Variants in ATRX observed in about 807,000 individuals in gnomAD.
ATRX encodes the protein ATRX chromatin remodeler, also known as chromatin remodeler ATRX.
In ATRX, 12 loss-of-function variants were observed where a neutral mutation model predicts 172.6. The ratio of observed to expected loss-of-function variants is 0.07; its 90% CI spans 0.04 to 0.11. The LOEUF is 0.11. Among genes scored for constraint, ATRX ranks in the 10% least tolerant of loss-of-function variants. The pLI, the probability that ATRX is intolerant of heterozygous loss-of-function variation, is 1.00. For synonymous variants in ATRX, 674 were observed against 594.7 expected (o/e 1.13, Z -1.94); for missense variants, 1,368 against 1,767.4 (o/e 0.77, Z 4.05).
chrX:77,692,162 G>A (rs1330002447), intron 6 of ATRX, among the ~76,000 whole-genome samples: 16 of 111,714 alleles, frequency 1.4e-4, no homozygotes, highest in Admixed American at 1.4e-3. Flanking sequence ...TAGACACTCT[G>A]TACACTAAGT....
Position 77,593,941 on chromosome X carries a change from G to A in ATRX, c.5957-92C>T, listed in dbSNP as rs1557082514. 3.3e-6 allele frequency: 3 copies of A among 899,924 alleles called. No individual in the cohort carries two copies. The African/African-American group carries it at 6.0e-5, about 18-fold the overall frequency. The allele number at this position is 899,924 out of a possible 1,213,427, so 74.2% of individuals were successfully genotyped here. On this transcript the variant is annotated intron_variant, in intron 25 of 34. Coordinates refer to ENST00000373344, the MANE Select transcript of ATRX (RefSeq NM_000489.6). ...AGAAAAAGACCTACCCATGGGGAGAGTAAGAAAGAAACTGATGGGGACTTG... is the reference window on the plus strand; with the variant it reads ...AGAAAAAGACCTACCCATGGGGAGAATAAGAAAGAAACTGATGGGGACTTG...
intron 15 of ATRX, among the ~76,000 whole-genome samples, chrX:77,637,939 C>CAAAAAAAAAAAAAAAAAA (rs373944111): frequency 1.9e-4 from 8 of 42,835 alleles, no homozygotes; most frequent in Non-Finnish European, 2.4e-4. Flanking sequence ...AGCTCCATCT[C>CAAAAAAAAAAAAAAAAAA]AAAAAAAAAA....
intron 22 of ATRX, among the ~76,000 whole-genome samples, chrX:77,606,836 AAATC>A (rs1341898932): frequency 1.8e-5 from 2 of 111,056 alleles, no homozygotes; most frequent in Admixed American, 1.9e-4. Flanking sequence ...ACATATATGG[AAATC>A]AATCAATGTG....
intron 28 of ATRX, among the ~76,000 whole-genome samples, chrX:77,559,066 T>G (rs1053782742): frequency 3.5e-4 from 39 of 111,203 alleles, no homozygotes; most frequent in Middle Eastern, 4.6e-3. Context: ...ATCGTCTGAT[T>G]TAAGAATAAA....
intron 19 of ATRX, among the ~76,000 whole-genome samples, chrX:77,628,749 A>C (rs782463910): frequency 1.1e-4 from 12 of 111,551 alleles, no homozygotes; most frequent in Non-Finnish European, 2.1e-4. Flanking sequence ...CTGAGACTAC[A>C]GGTGTGTGCC....
chrX:77,621,928 C>A (rs1298976016), intron 19 of ATRX, among the ~76,000 whole-genome samples: 1 of 111,549 alleles, frequency 9.0e-6, no homozygotes, highest in Admixed American at 9.5e-5. Context: ...AATTATGCAT[C>A]CCTTACTTTG....
intron 25 of ATRX, chrX:77,594,160 A>G (rs2066388250): frequency 5.6e-6 from 1 of 179,391 alleles, no homozygotes; most frequent in Non-Finnish European, 1.0e-5. Context: ...AGTGGAGCTC[A>G]GAAAGACAGA....
chrX:77,553,596 CTTAT>C (rs2064645837), intron 30 of ATRX, among the ~76,000 whole-genome samples: 1 of 111,601 alleles, frequency 9.0e-6, no homozygotes, highest in Non-Finnish European at 1.9e-5. Context: ...TCCTTATACT[CTTAT>C]TTATTTTTAA....
intron 6 of ATRX, among the ~76,000 whole-genome samples, chrX:77,693,429 T>C (rs1557148112): frequency 8.9e-6 from 1 of 112,089 alleles, no homozygotes; most frequent in Non-Finnish European, 1.9e-5. Context: ...ATACCCCAAC[T>C]AATACTAATG....
At chrX:77,673,081 G>A (rs2070707053) in intron 10 of ATRX, among the ~76,000 whole-genome samples, 1 of 110,831 alleles carries the variant, frequency 9.0e-6, no homozygotes, top group Admixed American at 9.7e-5. Flanking sequence ...CACTACTATC[G>A]TATTACTTGA....
intron 30 of ATRX, among the ~76,000 whole-genome samples, chrX:77,542,004 A>T (rs994100206): frequency 2.7e-5 from 3 of 111,781 alleles, no homozygotes; most frequent in African/African-American, 9.8e-5. Context: ...AGGGTATTCA[A>T]ATAGGAAAAG....
intron 1 of ATRX, among the ~76,000 whole-genome samples, chrX:77,717,519 C>A (rs1557165980): frequency 1.9e-5 from 2 of 106,805 alleles, no homozygotes; most frequent in Non-Finnish European, 3.8e-5. Context: ...GGGAGGATGG[C>A]TTGAGCCTTG....
chrX:77,517,106 C>G (rs1895458496), intron 34 of ATRX, among the ~76,000 whole-genome samples: 1 of 109,330 alleles, frequency 9.1e-6, no homozygotes. Context: ...GTTTACAGCT[C>G]TAAGTGCGTG....
intron 1 of ATRX, among the ~76,000 whole-genome samples, chrX:77,770,190 C>T (rs2076111130): frequency 9.1e-6 from 1 of 109,481 alleles, no homozygotes; most frequent in African/African-American, 3.3e-5. Flanking sequence ...GCAACCTCCA[C>T]CTCCAGGGTT....
chrX:77,671,779 TTC>T (rs1268305997), intron 10 of ATRX, among the ~76,000 whole-genome samples: 4 of 111,405 alleles, frequency 3.6e-5, no homozygotes, highest in African/African-American at 1.3e-4. Flanking sequence ...TTTCTTTTTT[TTC>T]TTTTTTGAGG....
At position 77,662,457 on chromosome X, in the gene ATRX, C is replaced by A. The variant is rs1388996577; in HGVS notation, c.4120+925G>T. On this transcript the variant is annotated intron_variant, in intron 12 of 34. Transcript: ENST00000373344. ...ACCCTTCTACAGGAAAGCACTAATT[C>A]TGCAGTTGTATGCAATCTTATACTT... is the stretch of plus-strand genomic sequence containing the variant. Among the ~76,000 whole-genome samples, 4 of 111,977 alleles carry A rather than the reference C, an allele frequency of 3.6e-5. No individual in the cohort carries two copies. The East Asian group carries it at 1.1e-3, about 31-fold the overall frequency.
chrX:77,718,119 A>C (rs1557166483), intron 1 of ATRX, among the ~76,000 whole-genome samples: 1 of 110,816 alleles, frequency 9.0e-6, no homozygotes, highest in East Asian at 2.8e-4. Flanking sequence ...CAACACCCAG[A>C]AAAAGAGAGG....
At chrX:77,706,642 G>A (rs2072838304) in intron 2 of ATRX, among the ~76,000 whole-genome samples, 1 of 111,274 alleles carries the variant, frequency 9.0e-6, no homozygotes, top group Non-Finnish European at 1.9e-5. Context: ...AGTGTCTCAC[G>A]CCTGTAATCC....
At chrX:77,729,341 T>C (rs1418317412) in intron 1 of ATRX, among the ~76,000 whole-genome samples, 2 of 111,496 alleles carry the variant, frequency 1.8e-5, no homozygotes, top group African/African-American at 6.5e-5. Flanking sequence ...CATTAAAATA[T>C]TGCTAATAAA....
Sources: gnomAD v4.1 joint callset for allele counts (sites outside exome capture counted in the v4.1 genomes callset) on GRCh38, gnomAD v4.1.1 for gene constraint, MANE v1.5 for transcripts, NCBI Gene and HGNC (gene_info 2026-07-23, HGNC 2026-07-21) for gene names.